The following FBLN1 variants were observed in gnomAD, a reference collection of about 807,000 sequenced individuals.
The protein encoded by FBLN1 is fibulin-1.
FBLN1 carries 34 observed loss-of-function variants against 89.7 expected under a neutral mutation model. That is an observed-to-expected ratio of 0.38 (90% CI 0.29 to 0.50). The LOEUF (loss-of-function observed/expected upper bound fraction) is 0.50. Among genes scored for constraint, FBLN1 ranks in the 20% least tolerant of loss-of-function variants. FBLN1 has a pLI of 0.92. For synonymous variants in FBLN1, 393 were observed against 391.3 expected (o/e 1.00, Z -0.05); for missense variants, 777 against 988.1 (o/e 0.79, Z 2.86).
In FBLN1 at chr22:45,580,340, G is replaced by C. The variant is rs1307489359; in HGVS notation, c.1972+3232G>C. Among the ~76,000 whole-genome samples, 2 of 152,104 alleles carry C rather than the reference G, an allele frequency of 1.3e-5. No homozygotes were observed. The highest frequency in any genetic ancestry group is 6.5e-5 in the Admixed American group (1 of 15,278). On this transcript the variant is annotated intron_variant, in intron 16 of 16. Transcript: ENST00000327858. This position sits in a 1 kb window ranked among gnomAD's most constrained non-coding sequence, Gnocchi z 8.6. ...CCTGCAGCACACGGCAGGGAACGCC[G>C]CCTACTCACGGTGCTTGCTGAACAC... is the stretch of plus-strand genomic sequence containing the variant.
intron 7 of FBLN1, among the ~76,000 whole-genome samples, chr22:45,534,678 G>A (rs1416141173): frequency 6.6e-6 from 1 of 152,212 alleles, no homozygotes; most frequent in African/African-American, 2.4e-5. Flanking sequence ...CAGCTGGGTG[G>A]TTTGGACCCC....
chr22:45,547,102 A>G lies in FBLN1; in HGVS notation c.1339A>G (p.Ser447Gly), dbSNP rs765389132. 6.2e-7 allele frequency: 1 copy of G among 1,614,154 alleles called. No homozygotes were observed. The highest frequency in any genetic ancestry group is 1.7e-5 in the Admixed American group (1 of 60,022). The change falls in exon 12 of 17, where the codon AGC (serine) becomes GGC (glycine). Residue 447 changes from serine (S) to glycine (G), a missense_variant. Transcript: ENST00000327858. ...RSCEDINECS[S>G]SPCSQECANV... Reference sequence around the variant, plus strand: ...TATTTCAGACATCAATGAGTGCAGCAGCAGCCCCTGTAGCCAGGAGTGTGC... The same window carrying G: ...TATTTCAGACATCAATGAGTGCAGCGGCAGCCCCTGTAGCCAGGAGTGTGC...
intron 16 of FBLN1, among the ~76,000 whole-genome samples, chr22:45,591,764 A>G (rs929331522): frequency 2.6e-5 from 4 of 152,044 alleles, no homozygotes; most frequent in Admixed American, 2.6e-4. Flanking sequence ...AGCTAAGGGC[A>G]GTACAGTCGG....
chr22:45,505,867 GT>G (rs978580853), intron 1 of FBLN1, among the ~76,000 whole-genome samples: 3 of 152,108 alleles, frequency 2.0e-5, no homozygotes, highest in African/African-American at 7.2e-5. Context: ...CGCCTCCCGA[GT>G]TGAAGCGATT....
chr22:45,599,653 C>T (rs2089214562), intron 16 of FBLN1, among the ~76,000 whole-genome samples: 2 of 152,312 alleles, frequency 1.3e-5, no homozygotes, highest in African/African-American at 2.4e-5. Context: ...CACGGTCGCT[C>T]ATGCCTGTAA....
Position 45,594,630 on chromosome 22 carries a change from G to C in FBLN1, c.1973-5677G>C, listed in dbSNP as rs62225056. ...GGTGTGTGGGTGGATGGACAGATGG[G>C]TTGATTGGTGGGTGAATGGATGGAT... is the stretch of plus-strand genomic sequence containing the variant. On this transcript the variant is annotated intron_variant, in intron 16 of 16. Transcript: ENST00000327858. Among the ~76,000 whole-genome samples the C allele has an allele frequency of 5.5e-3, 831 of 152,080 alleles. 7 individuals carry two copies. The highest frequency in any genetic ancestry group is 0.017 in the South Asian group (83 of 4,810).
At position 45,547,120 on chromosome 22, in the gene FBLN1, G is replaced by C; in HGVS notation, c.1357G>C (p.Glu453Gln). 1 of 1,614,174 alleles carries C rather than the reference G, an allele frequency of 6.2e-7. No homozygotes were observed. The highest frequency in any genetic ancestry group is 8.5e-7 in the Non-Finnish European group (1 of 1,180,044). The part of the protein sequence containing the change: ...NECSSSPCSQ[E>Q]CANVYGSYQC... ...GTGCAGCAGCAGCCCCTGTAGCCAG[G>C]AGTGTGCCAACGTCTACGGCTCCTA... Residue 453 changes from glutamate (E) to glutamine (Q), a missense_variant, in exon 12 of 17, where the codon GAG (glutamate) becomes CAG (glutamine). By Grantham distance (29) the Glu-to-Gln change is conservative (BLOSUM62 2). Transcript: ENST00000327858.
At position 45,531,830 on chromosome 22, in the gene FBLN1, AG is replaced by A. The variant is rs1602181958; in HGVS notation, c.544+507del. 1.3e-5 allele frequency among the ~76,000 whole-genome samples: 2 copies of A among 152,068 alleles called. No individual in the cohort carries two copies. Among genetic ancestry groups the A allele is most frequent in the Non-Finnish European group, 1.5e-5 (1 of 68,018 alleles). ...GGTGTGGAAAGCCTGCACGTTACCG[AG>A]CCCCCAGGCCTTGTGAAGGTGACAG... On this transcript the variant is annotated intron_variant, in intron 5 of 16. Coordinates refer to ENST00000327858, the MANE Select transcript of FBLN1 (RefSeq NM_006486.3). This position sits in a 1 kb window ranked among gnomAD's most constrained non-coding sequence, Gnocchi z 4.9.
In FBLN1 at chr22:45,556,581, GC is replaced by G. The variant is rs2088791010; in HGVS notation, c.1697+5969del. Among the ~76,000 whole-genome samples the G allele has an allele frequency of 6.6e-6, 1 of 152,054 alleles. No homozygotes were observed. The highest frequency in any genetic ancestry group is 2.1e-4 in the South Asian group (1 of 4,828). On this transcript the variant is annotated intron_variant, in intron 14 of 16. Coordinates refer to ENST00000327858, the MANE Select transcript of FBLN1 (RefSeq NM_006486.3). The surrounding 1 kb of genome is among the most constrained non-coding windows in gnomAD (Gnocchi z 4.6). ...ACAGGGCATGGTAATACTGAGAGAT[GC>G]CCTAATGGATCTCCTGTATTCCATG...
chr22:45,504,254 G>A (rs913522016), intron 1 of FBLN1, among the ~76,000 whole-genome samples: 18 of 152,188 alleles, frequency 1.2e-4, no homozygotes, highest in Non-Finnish European at 8.8e-5. Context: ...GAGCTCTACA[G>A]AGCTTTCTTG....
At chr22:45,518,548 G>A (rs569725199) in intron 1 of FBLN1, 134 bp from the exon 2 acceptor site, 36 of 681,634 alleles carry the variant, frequency 5.3e-5, no homozygotes, top group East Asian at 4.9e-4. Context: ...TTTGCAGAGT[G>A]ACTAAGGGAT....
chr22:45,514,921 C>T (rs983588776), intron 1 of FBLN1, among the ~76,000 whole-genome samples: 12 of 152,146 alleles, frequency 7.9e-5, no homozygotes, highest in African/African-American at 2.9e-4. Flanking sequence ...GGCGTGGGGG[C>T]CTCCAGTGTC....
At chr22:45,558,945 A>G (rs578190989) in intron 14 of FBLN1, among the ~76,000 whole-genome samples, 13 of 152,202 alleles carry the variant, frequency 8.5e-5, no homozygotes, top group Admixed American at 3.3e-4. Context: ...AATCAGCATA[A>G]TGTCACCAAT....
intron 14 of FBLN1, among the ~76,000 whole-genome samples, chr22:45,559,894 C>A (rs747641528): frequency 5.3e-5 from 8 of 152,342 alleles, no homozygotes; most frequent in East Asian, 3.9e-4. Context: ...AGAGGACCCG[C>A]CTCCCCTTCA....
chr22:45,508,700 C>G (rs1319713426), intron 1 of FBLN1, among the ~76,000 whole-genome samples: 94 of 152,298 alleles, frequency 6.2e-4, no homozygotes, highest in Non-Finnish European at 8.8e-5. Context: ...GCAGAGGCTG[C>G]ATGGCCTCGG....
At chr22:45,509,373 G>A (rs945955673) in intron 1 of FBLN1, among the ~76,000 whole-genome samples, 4 of 152,110 alleles carry the variant, frequency 2.6e-5, no homozygotes, top group East Asian at 3.9e-4. Flanking sequence ...GCCTCCTCCC[G>A]GCTGGTTCAC....
At chr22:45,534,235 A>G (rs2146970242) in intron 7 of FBLN1, among the ~76,000 whole-genome samples, 1 of 136,848 alleles carries the variant, frequency 7.3e-6, no homozygotes, top group Non-Finnish European at 1.5e-5. Context: ...GGCTCAGTGC[A>G]TGACTATTTA....
intron 4 of FBLN1, among the ~76,000 whole-genome samples, chr22:45,529,474 C>G (rs773876429): frequency 6.6e-6 from 1 of 152,176 alleles, no homozygotes; most frequent in South Asian, 2.1e-4. Context: ...CAGAATTAAC[C>G]TGGAAGAAGG....
At chr22:45,552,434 AG>A (rs1569252788) in intron 14 of FBLN1, among the ~76,000 whole-genome samples, 1 of 152,146 alleles carries the variant, frequency 6.6e-6, no homozygotes, top group African/African-American at 2.4e-5. Context: ...GATAGTGAGG[AG>A]GGGCCACCCC....
Sources: gnomAD v4.1 joint callset for allele counts (sites outside exome capture counted in the v4.1 genomes callset) on GRCh38, gnomAD v4.1.1 for gene constraint, Gnocchi (gnomAD v3.1) non-coding constraint, MANE v1.5 for transcripts, NCBI Gene and HGNC (gene_info 2026-07-23, HGNC 2026-07-21) for gene names.